THRB: variants seen among roughly 807,000 people sequenced by gnomAD.
The protein encoded by THRB is thyroid hormone receptor beta, also known as nuclear receptor subfamily 1 group A member 2.
THRB carries 12 observed loss-of-function variants against 47.8 expected under a neutral mutation model. That is an observed-to-expected ratio of 0.25 (90% CI 0.16 to 0.41). The LOEUF (loss-of-function observed/expected upper bound fraction) is 0.41, where lower values mean the gene tolerates loss of function less well. THRB is among the 10% of genes least tolerant of loss of function. The pLI, the probability that THRB is intolerant of heterozygous loss-of-function variation, is 1.00. For missense variants in THRB, 348 were observed against 589.2 expected, an observed-to-expected ratio of 0.59 and a Z score of 4.24; for synonymous variants, 218 against 212.2, an observed-to-expected ratio of 1.03 and a Z score of -0.24.
intron 3 of THRB, among the ~76,000 whole-genome samples, chr3:24,246,809 C>G (rs1431692786): frequency 6.6e-6 from 1 of 152,084 alleles, no homozygotes; most frequent in African/African-American, 2.4e-5. Context: ...AAAAGTTTAT[C>G]ATAAACAAGG....
intron 1 of THRB, among the ~76,000 whole-genome samples, chr3:24,410,534 CA>C (rs1451095200): frequency 6.6e-6 from 1 of 151,714 alleles, no homozygotes; most frequent in Non-Finnish European, 1.5e-5. Flanking sequence ...CAATAAAAAA[CA>C]AATTTTAAAT....
At chr3:24,483,908 G>C (rs150287103) in intron 1 of THRB, 1 of 152,376 alleles carries the variant, frequency 6.6e-6, no homozygotes, top group African/African-American at 2.4e-5. Context: ...TAGGGGACAT[G>C]CGATTTGTTC....
rs79825394 is a variant in THRB at position 24,241,009 on chromosome 3, C to A, written c.-42-12008G>T. 2.6e-5 allele frequency among the ~76,000 whole-genome samples: 4 copies of A among 152,266 alleles called. No individual in the cohort carries two copies. The East Asian group carries it at 7.7e-4, about 29-fold the overall frequency. On this transcript the variant is annotated intron_variant, in intron 3 of 10. Transcript: ENST00000646209. ...CGGCAGCTTACTCTGGCCAACACGTCCAGCTGTGTTGGTGGACTGTGCCCA... is the reference window on the plus strand; with the variant it reads ...CGGCAGCTTACTCTGGCCAACACGTACAGCTGTGTTGGTGGACTGTGCCCA...
At chr3:24,288,937 A>G (rs1416069245) in intron 3 of THRB, among the ~76,000 whole-genome samples, 1 of 152,234 alleles carries the variant, frequency 6.6e-6, no homozygotes, top group African/African-American at 2.4e-5. Flanking sequence ...GTGGTCATCA[A>G]TTGGAAAGCC....
At chr3:24,276,400 C>T (rs1439722895) in intron 3 of THRB, among the ~76,000 whole-genome samples, 1 of 152,174 alleles carries the variant, frequency 6.6e-6, no homozygotes, top group East Asian at 1.9e-4. Context: ...TGATTATTAG[C>T]AGCCTGAGCT....
chr3:24,147,010 G>C (rs2036182210), intron 6 of THRB, among the ~76,000 whole-genome samples, 188 bp from the exon 7 acceptor site: 1 of 152,086 alleles, frequency 6.6e-6, no homozygotes, highest in South Asian at 2.1e-4. Flanking sequence ...CTAAATCTGA[G>C]CTGATGATGC....
intron 5 of THRB, among the ~76,000 whole-genome samples, chr3:24,163,178 C>T (rs1012554584): frequency 1.3e-5 from 2 of 152,130 alleles, no homozygotes; most frequent in African/African-American, 4.8e-5. Flanking sequence ...AGACAGTTAA[C>T]AGCTGGGTTT....
chr3:24,277,366 C>T (rs1383911715), intron 3 of THRB, among the ~76,000 whole-genome samples: 1 of 152,064 alleles, frequency 6.6e-6, no homozygotes, highest in African/African-American at 2.4e-5. Flanking sequence ...GTCAGTAATG[C>T]CAATCTAAAT....
intron 4 of THRB, among the ~76,000 whole-genome samples, chr3:24,223,785 T>C (rs1374276812): frequency 6.6e-6 from 1 of 151,922 alleles, no homozygotes; most frequent in Non-Finnish European, 1.5e-5. Flanking sequence ...ATGAATTAAT[T>C]CCCTAATATC....
chr3:24,474,187 G>C (rs1027736095), intron 1 of THRB, among the ~76,000 whole-genome samples: 1 of 152,144 alleles, frequency 6.6e-6, no homozygotes. Context: ...ACACTCTTTT[G>C]TAGTCTCTTT....
chr3:24,174,870 C>G (rs2683536), intron 5 of THRB, among the ~76,000 whole-genome samples: 38,446 of 152,102 alleles, frequency 0.25, 5,015 homozygotes, highest in Admixed American at 0.34. Context: ...ATAACTTGCC[C>G]ACAGTCATAA....
At chr3:24,199,525 T>A (rs547523388) in intron 4 of THRB, among the ~76,000 whole-genome samples, 1 of 152,286 alleles carries the variant, frequency 6.6e-6, no homozygotes, top group South Asian at 2.1e-4. Context: ...TGGGAGCTGT[T>A]AGGAGATAAA....
intron 2 of THRB, among the ~76,000 whole-genome samples, chr3:24,308,960 T>C (rs1246618594): frequency 6.6e-6 from 1 of 152,156 alleles, no homozygotes; most frequent in South Asian, 2.1e-4. Flanking sequence ...GCCATACCCA[T>C]GCTACTCAGG....
At chr3:24,293,387 C>A (rs2150998608) in intron 3 of THRB, among the ~76,000 whole-genome samples, 1 of 152,264 alleles carries the variant, frequency 6.6e-6, no homozygotes, top group Admixed American at 6.5e-5. Flanking sequence ...AAATGCCTTT[C>A]CCCTTCTTAC....
intron 5 of THRB, among the ~76,000 whole-genome samples, chr3:24,181,211 TTAATA>T (rs1174487828): frequency 6.6e-6 from 1 of 152,240 alleles, no homozygotes; most frequent in African/African-American, 2.4e-5. Flanking sequence ...TGGTAATGAT[TTAATA>T]TATTTTTCCT....
intron 2 of THRB, among the ~76,000 whole-genome samples, chr3:24,334,291 C>T (rs1177507904): frequency 6.6e-6 from 1 of 152,032 alleles, no homozygotes; most frequent in Non-Finnish European, 1.5e-5. Flanking sequence ...GCCTTTCAAC[C>T]TCAGTCACCA....
chr3:24,450,182 G>A (rs1369164688), intron 1 of THRB, among the ~76,000 whole-genome samples: 2 of 152,110 alleles, frequency 1.3e-5, no homozygotes, highest in East Asian at 3.8e-4. Context: ...ACTTCCACAG[G>A]TATAATGTAC....
At chr3:24,257,363 C>G (rs558934508) in intron 3 of THRB, among the ~76,000 whole-genome samples, 1 of 151,806 alleles carries the variant, frequency 6.6e-6, no homozygotes, top group Non-Finnish European at 1.5e-5. Flanking sequence ...AGTAGCAAAA[C>G]AAAACAAAAG....
chr3:24,174,362 A>T (rs2040856457), intron 5 of THRB, among the ~76,000 whole-genome samples: 1 of 152,104 alleles, frequency 6.6e-6, no homozygotes, highest in South Asian at 2.1e-4. Context: ...CAACTATTCT[A>T]TGCTGTTACT....
Sources: gnomAD v4.1 joint callset for allele counts (sites outside exome capture counted in the v4.1 genomes callset) on GRCh38, gnomAD v4.1.1 for gene constraint, MANE v1.5 for transcripts, NCBI Gene and HGNC (gene_info 2026-07-23, HGNC 2026-07-21) for gene names.